Variants in FRMD4B observed in about 807,000 individuals in gnomAD.
FRMD4B encodes FERM domain-containing protein 4B.
A neutral mutation model predicts 141.5 loss-of-function variants in FRMD4B; 74 were observed. That is an observed-to-expected ratio of 0.52 (90% CI 0.43 to 0.63). FRMD4B has a LOEUF of 0.63. FRMD4B is among the 30% of genes least tolerant of loss of function. FRMD4B has a pLI of 0.00. For synonymous variants in FRMD4B, 506 were observed against 467.9 expected (o/e 1.08, Z -1.05); for missense variants, 1,366 against 1,253.4 (o/e 1.09, Z -1.36).
chr3:69,177,246 G>A (rs2092656777), intron 21 of FRMD4B, among the ~76,000 whole-genome samples: 1 of 152,172 alleles, frequency 6.6e-6, no homozygotes, highest in African/African-American at 2.4e-5. Flanking sequence ...GGCTGAGACA[G>A]GAGAAATACT....
intron 3 of FRMD4B, among the ~76,000 whole-genome samples, chr3:69,305,065 A>G (rs920109815): frequency 3.9e-5 from 6 of 152,230 alleles, no homozygotes; most frequent in African/African-American, 1.4e-4. Flanking sequence ...ATATTTTACA[A>G]TAAGCCAGTG....
At chr3:69,234,959 G>C (rs1047127718) in intron 7 of FRMD4B, among the ~76,000 whole-genome samples, 2 of 151,870 alleles carry the variant, frequency 1.3e-5, no homozygotes, top group African/African-American at 4.8e-5. Context: ...GACCAGCCTG[G>C]CCAACATGGT....
rs1334834334 is a variant in FRMD4B at position 69,353,552 on chromosome 3, C to T, written c.162+32276G>A. The T allele has an allele frequency of 4.1e-6, 4 of 984,302 alleles. No individual in the cohort carries two copies. The African/African-American group carries it at 7.0e-5, about 17-fold the overall frequency. 61.0% of individuals were successfully genotyped at this position (984,302 alleles called of 1,614,324 possible). A position where few individuals can be genotyped will look rare whatever the true frequency, so the allele number is the denominator to read the frequency against. On this transcript the variant is annotated intron_variant, in intron 1 of 22. Coordinates refer to ENST00000398540, the MANE Select transcript of FRMD4B (RefSeq NM_015123.3). The stretch of plus-strand genomic sequence containing the variant: ...AAAAAAATCATTCTTACCTCCGAAC[C>T]ACCATGACCTCGGCTCATTTAAAGG...
At chr3:69,265,253 T>G (rs12496679) in intron 5 of FRMD4B, among the ~76,000 whole-genome samples, 7,709 of 24,990 alleles carry the variant, frequency 0.31, 892 homozygotes, top group East Asian at 0.55. Flanking sequence ...AGACTCCATC[T>G]CAAAAAAAAA....
intron 1 of FRMD4B, among the ~76,000 whole-genome samples, chr3:69,360,637 C>T (rs1239988710): frequency 1.3e-5 from 2 of 152,144 alleles, no homozygotes; most frequent in Non-Finnish European, 2.9e-5. Context: ...GGCTGTTTAT[C>T]CTGTAAATTC....
intron 1 of FRMD4B, among the ~76,000 whole-genome samples, chr3:69,354,933 C>T (rs539552427): frequency 1.8e-4 from 27 of 151,884 alleles, no homozygotes; most frequent in Admixed American, 5.9e-4. Flanking sequence ...TTTGTGAGCA[C>T]GTGACCTCCC....
At chr3:69,187,992 C>CA in intron 18 of FRMD4B, 75 bp from the exon 19 acceptor site, 1 of 773,850 alleles carries the variant, frequency 1.3e-6, no homozygotes, top group Admixed American at 2.7e-5. Context: ...GCCAATACCT[C>CA]AAAAAAGAAA....
chr3:69,380,351 G>A (rs1041324521), intron 1 of FRMD4B, among the ~76,000 whole-genome samples: 2 of 152,136 alleles, frequency 1.3e-5, no homozygotes, highest in Non-Finnish European at 2.9e-5. Context: ...GTCCAGGTGA[G>A]ACTAGAGGAA....
chr3:69,455,709 C>T (rs1254095417), intron 1 of FRMD4B, among the ~76,000 whole-genome samples: 3 of 152,184 alleles, frequency 2.0e-5, no homozygotes, highest in Admixed American at 6.5e-5. Flanking sequence ...CCAAGTGTGG[C>T]TAGGTGTTTT....
At chr3:69,532,702 G>A (rs929602464) in intron 1 of FRMD4B, among the ~76,000 whole-genome samples, 2 of 152,202 alleles carry the variant, frequency 1.3e-5, no homozygotes, top group African/African-American at 2.4e-5. Flanking sequence ...GGCCATGCAA[G>A]CTTTGTGCCT....
At chr3:69,502,080 C>T (rs1706507348) in intron 1 of FRMD4B, among the ~76,000 whole-genome samples, 1 of 152,106 alleles carries the variant, frequency 6.6e-6, no homozygotes, top group Admixed American at 6.5e-5. Flanking sequence ...TAGGAAGAAT[C>T]AATATCGTGA....
Position 69,514,251 on chromosome 3 carries a change from C to T in FRMD4B, c.-129+27955G>A, listed in dbSNP as rs545708476. ...ATAAGAAATCAGCTGCATTTCTATA[C>T]ACTTACAATGAACAATTTGAAAAGG... On this transcript the variant is annotated intron_variant, in intron 1 of 5. Coordinates refer to the FRMD4B transcript ENST00000459638. Among the ~76,000 whole-genome samples, 212 of 152,214 alleles carry T rather than the reference C, an allele frequency of 1.4e-3. 2 individuals carry two copies. The highest frequency in any genetic ancestry group is 4.7e-3 in the African/African-American group (196 of 41,542).
chr3:69,369,284 G>A (rs1703759713), intron 1 of FRMD4B, among the ~76,000 whole-genome samples: 2 of 152,048 alleles, frequency 1.3e-5, no homozygotes, highest in Admixed American at 1.3e-4. Flanking sequence ...CATTAAGTAT[G>A]CACACATATT....
intron 5 of FRMD4B, among the ~76,000 whole-genome samples, chr3:69,254,131 G>C (rs1202750081): frequency 6.6e-6 from 1 of 151,732 alleles, no homozygotes; most frequent in Non-Finnish European, 1.5e-5. Flanking sequence ...TTTAGACGGA[G>C]TCTCATACTG....
At chr3:69,539,142 A>G (rs933080572) in intron 1 of FRMD4B, among the ~76,000 whole-genome samples, 3 of 152,240 alleles carry the variant, frequency 2.0e-5, no homozygotes, top group African/African-American at 7.2e-5. Context: ...TGTGTAAGAT[A>G]ACTATGAAGA....
intron 1 of FRMD4B, 113 bp downstream of exon 1, chr3:69,385,715 C>G: frequency 1.1e-6 from 1 of 915,550 alleles, no homozygotes; most frequent in East Asian, 3.0e-5. Flanking sequence ...GCCAAGCAGT[C>G]TGCTAGGAGT....
At chr3:69,330,277 C>A (rs1360797117) in intron 1 of FRMD4B, among the ~76,000 whole-genome samples, 1 of 109,492 alleles carries the variant, frequency 9.1e-6, no homozygotes, top group Non-Finnish European at 2.0e-5. Context: ...ACTCCTTTGT[C>A]TTTTTTTTTT....
intron 2 of FRMD4B, among the ~76,000 whole-genome samples, chr3:69,418,822 ATGTG>A (rs147894176): frequency 1.3e-5 from 2 of 150,358 alleles, no homozygotes; most frequent in South Asian, 2.1e-4. Context: ...CATAGCAACT[ATGTG>A]TGTGTGTGTG....
chr3:69,183,295 C>A (rs1262119395), intron 19 of FRMD4B, among the ~76,000 whole-genome samples: 1 of 151,716 alleles, frequency 6.6e-6, no homozygotes, highest in Admixed American at 6.6e-5. Flanking sequence ...TGCTTTTGAT[C>A]CCCCCACCAC....
Sources: allele counts gnomAD v4.1 joint callset (sites outside exome capture counted in the v4.1 genomes callset), GRCh38; gene constraint gnomAD v4.1.1; transcripts MANE v1.5; gene names NCBI Gene and HGNC (gene_info 2026-07-23, HGNC 2026-07-21).